The following EPHA6 variants were observed in gnomAD, a reference collection of about 807,000 sequenced individuals.
The protein encoded by EPHA6 is ephrin type-A receptor 6.
A neutral mutation model predicts 112.0 loss-of-function variants in EPHA6; 50 were observed. The observed-to-expected ratio is 0.45, with a 90% confidence interval of 0.36 to 0.56. EPHA6 has a LOEUF of 0.56. EPHA6 is among the 20% of genes least tolerant of loss of function. The probability of loss-of-function intolerance (pLI) is 0.00; values close to 1 mark genes in which losing one functional copy is unlikely to be tolerated. For missense variants in EPHA6, 1,280 were observed against 1,417.4 expected (o/e 0.90, Z 1.56); for synonymous variants, 529 against 490.7 (o/e 1.08, Z -1.03).
intron 5 of EPHA6, among the ~76,000 whole-genome samples, chr3:97,320,109 A>G (rs1468321258): frequency 6.6e-6 from 1 of 151,994 alleles, no homozygotes; most frequent in East Asian, 1.9e-4. Context: ...TAGGTTTACA[A>G]TCTTAACCAC....
At chr3:97,239,829 A>T (rs2078790335) in intron 4 of EPHA6, among the ~76,000 whole-genome samples, 1 of 151,890 alleles carries the variant, frequency 6.6e-6, no homozygotes, top group Non-Finnish European at 1.5e-5. Flanking sequence ...AGACCCATGC[A>T]GTTCAAAATG....
At chr3:97,345,733 G>A (rs774924185) in intron 5 of EPHA6, among the ~76,000 whole-genome samples, 33 of 151,940 alleles carry the variant, frequency 2.2e-4, no homozygotes, top group Non-Finnish European at 2.9e-4. Flanking sequence ...TAAACATATG[G>A]TATAACCTTT....
intron 10 of EPHA6, among the ~76,000 whole-genome samples, chr3:97,499,411 A>G (rs2107549548): frequency 6.6e-6 from 1 of 152,312 alleles, no homozygotes; most frequent in South Asian, 2.1e-4. Context: ...TTTCTTACCT[A>G]TAATCAAGAT....
chr3:97,251,653 AC>A (rs1481002511), intron 5 of EPHA6, among the ~76,000 whole-genome samples: 5 of 152,250 alleles, frequency 3.3e-5, no homozygotes, highest in Admixed American at 6.5e-5. Flanking sequence ...CTAATTGCCG[AC>A]CTTTTAATCA....
intron 11 of EPHA6, among the ~76,000 whole-genome samples, chr3:97,545,764 A>G (rs1185707044): frequency 1.3e-5 from 2 of 152,162 alleles, no homozygotes; most frequent in Admixed American, 6.5e-5. Flanking sequence ...TTGGGTGCAT[A>G]TATATTTAGG....
At chr3:97,639,952 GTT>G (rs34823940) in intron 14 of EPHA6, among the ~76,000 whole-genome samples, 52,716 of 149,600 alleles carry the variant, frequency 0.35, 10,089 homozygotes, top group Middle Eastern at 0.6. Context: ...ATATAATCAA[GTT>G]TTTTTTTTTT....
Position 97,736,048 on chromosome 3 carries a change from A to G in EPHA6, c.3058A>G (p.Ile1020Val), listed in dbSNP as rs763975171. The change falls in exon 16 of 18, where the codon ATT becomes GTT. Residue 1020 changes from isoleucine (I) to valine (V), a missense_variant. By Grantham distance (29) the Ile-to-Val change is conservative (BLOSUM62 3). Coordinates refer to ENST00000389672, the MANE Select transcript of EPHA6 (RefSeq NM_001080448.3). ...ERNHRPKFTD[I>V]VSFLDKLIRN... Reference sequence around the variant, plus strand: ...AAATCACAGACCAAAATTTACTGACATTGTCAGCTTCCTTGACAAACTGAT... The same window carrying G: ...AAATCACAGACCAAAATTTACTGACGTTGTCAGCTTCCTTGACAAACTGAT... 21 of 1,612,520 alleles carry G rather than the reference A, an allele frequency of 1.3e-5. No individual in the cohort carries two copies. In the African/African-American group the frequency reaches 2.5e-4, roughly 20 times the overall value.
At chr3:97,034,758 A>G (rs2045019131) in intron 3 of EPHA6, among the ~76,000 whole-genome samples, 1 of 151,986 alleles carries the variant, frequency 6.6e-6, no homozygotes, top group African/African-American at 2.4e-5. Flanking sequence ...ACACATACAC[A>G]TACAGAGTAC....
At chr3:97,739,815 C>A (rs1321374297) in intron 16 of EPHA6, among the ~76,000 whole-genome samples, 1 of 152,116 alleles carries the variant, frequency 6.6e-6, no homozygotes, top group Non-Finnish European at 1.5e-5. Context: ...ATTTGCAGAA[C>A]CACTGTATTA....
chr3:97,334,369 G>T (rs990826373), intron 5 of EPHA6, among the ~76,000 whole-genome samples: 1 of 151,620 alleles, frequency 6.6e-6, no homozygotes, highest in Non-Finnish European at 1.5e-5. Context: ...GAATAAACTT[G>T]TTCTTACCTA....
At chr3:96,981,336 A>G (rs36154403) in intron 2 of EPHA6, among the ~76,000 whole-genome samples, 21 of 152,134 alleles carry the variant, frequency 1.4e-4, no homozygotes, top group African/African-American at 5.1e-4. Context: ...GTTTCTGTTT[A>G]TGTGCTGGAT....
In EPHA6 at chr3:97,456,582, A is replaced by G. The variant is rs2090694464; in HGVS notation, c.1894+7852A>G. Among the ~76,000 whole-genome samples the G allele has an allele frequency of 4.6e-5, 7 of 152,252 alleles. No individual in the cohort carries two copies. The South Asian group carries it at 1.2e-3, about 27-fold the overall frequency. ...ACACATGTATTTTATTAGTCTACTTATATATTTTTAGTATTTTATTTTTGT... is the reference window on the plus strand; with the variant it reads ...ACACATGTATTTTATTAGTCTACTTGTATATTTTTAGTATTTTATTTTTGT... On this transcript the variant is annotated intron_variant, in intron 7 of 17. Coordinates refer to ENST00000389672, the MANE Select transcript of EPHA6 (RefSeq NM_001080448.3).
At chr3:97,103,687 G>A (rs1475888448) in intron 3 of EPHA6, among the ~76,000 whole-genome samples, 1 of 152,030 alleles carries the variant, frequency 6.6e-6, no homozygotes, top group Admixed American at 6.6e-5. Context: ...CTGTGAAAAT[G>A]TCATTGGGAG....
At chr3:97,503,647 C>T in intron 10 of EPHA6, among the ~76,000 whole-genome samples, 1 of 152,176 alleles carries the variant, frequency 6.6e-6, no homozygotes. Context: ...AGATATTTCA[C>T]TTTCACATTC....
intron 2 of EPHA6, among the ~76,000 whole-genome samples, chr3:96,885,517 G>GA (rs1285082697): frequency 2.6e-5 from 4 of 152,022 alleles, no homozygotes; most frequent in African/African-American, 9.7e-5. Context: ...GTGTGTAATG[G>GA]TGTTCATAAT....
chr3:97,110,817 C>T (rs1167083892), intron 3 of EPHA6, among the ~76,000 whole-genome samples: 4 of 152,134 alleles, frequency 2.6e-5, no homozygotes, highest in Admixed American at 6.6e-5. Flanking sequence ...GTGTGAGCCA[C>T]CATGCCTGGC....
At position 97,114,818 on chromosome 3, in the gene EPHA6, C is replaced by G. The variant is rs186664402; in HGVS notation, c.1115-111446C>G. 3.9e-5 allele frequency among the ~76,000 whole-genome samples: 6 copies of G among 152,158 alleles called. No individual in the cohort carries two copies. In the East Asian group the frequency reaches 1.2e-3, roughly 29 times the overall value. On this transcript the variant is annotated intron_variant, in intron 3 of 17. Transcript: ENST00000389672. ...ATTGTTTTTTCTCTCAACATTCTCA[C>G]AAGTGTAATCAATGATAATTATATG...
chr3:97,233,949 C>T (rs2078608428), intron 4 of EPHA6, among the ~76,000 whole-genome samples: 2 of 152,084 alleles, frequency 1.3e-5, no homozygotes, highest in East Asian at 1.9e-4. Context: ...TTTAAGGATG[C>T]TAAGAAGCCC....
chr3:97,735,365 C>G (rs572164307), intron 15 of EPHA6, among the ~76,000 whole-genome samples: 15 of 151,922 alleles, frequency 9.9e-5, no homozygotes, highest in Non-Finnish European at 1.6e-4. Context: ...AGGAGTATGA[C>G]TTCATAATCA....
Sources: gnomAD v4.1 joint callset for allele counts (sites outside exome capture counted in the v4.1 genomes callset) on GRCh38, gnomAD v4.1.1 for gene constraint, MANE v1.5 for transcripts, NCBI Gene and HGNC (gene_info 2026-07-23, HGNC 2026-07-21) for gene names.